The following PTPN4 variants were observed in gnomAD, a reference collection of about 807,000 sequenced individuals.
PTPN4 encodes the protein protein tyrosine phosphatase non-receptor type 4, also known as tyrosine-protein phosphatase non-receptor type 4.
Under a neutral mutation model 135.5 loss-of-function variants are expected in PTPN4, and 49 were observed. That is an observed-to-expected ratio of 0.36 (90% CI 0.29 to 0.46). The LOEUF (loss-of-function observed/expected upper bound fraction) is 0.46, where lower values mean the gene tolerates loss of function less well. PTPN4 is among the 20% of genes least tolerant of loss of function. The pLI is 1.00. For synonymous variants in PTPN4, 333 were observed against 369.9 expected (o/e 0.90, Z 1.14); for missense variants, 860 against 1,101.0 (o/e 0.78, Z 3.10).
At chr2:119,857,962 C>A (rs1677706291) in intron 2 of PTPN4, among the ~76,000 whole-genome samples, 1 of 152,194 alleles carries the variant, frequency 6.6e-6, no homozygotes, top group African/African-American at 2.4e-5. Context: ...TGGCTTGTGA[C>A]CAAGCCCTTG....
intron 1 of PTPN4, among the ~76,000 whole-genome samples, chr2:119,807,187 C>T (rs910928184): frequency 6.6e-6 from 1 of 152,052 alleles, no homozygotes; most frequent in Admixed American, 6.6e-5. Context: ...CAAGAGCAAA[C>T]ACATTCAAAA....
At position 119,836,636 on chromosome 2, in the gene PTPN4, C is replaced by T. The variant is rs146424632; in HGVS notation, c.139-25900C>T. Among the ~76,000 whole-genome samples, 576 of 152,324 alleles carry T rather than the reference C, an allele frequency of 3.8e-3. 3 individuals carry two copies. The highest frequency in any genetic ancestry group is 0.013 in the African/African-American group (527 of 41,574). The stretch of plus-strand genomic sequence containing the variant: ...GGGGGCAACTGCAGCTGCCCAGCCA[C>T]GGCTGCAGACCTGGGCATCCCTGTG... On this transcript the variant is annotated intron_variant, in intron 2 of 26. Coordinates refer to ENST00000263708, the MANE Select transcript of PTPN4 (RefSeq NM_002830.4).
chr2:119,848,915 T>G (rs1677549114), intron 2 of PTPN4, among the ~76,000 whole-genome samples: 1 of 152,182 alleles, frequency 6.6e-6, no homozygotes, highest in African/African-American at 2.4e-5. Context: ...TTCTTTTTTC[T>G]CTGTATTATT....
At chr2:119,874,339 G>T (rs1375858849) in intron 3 of PTPN4, among the ~76,000 whole-genome samples, 4 of 152,136 alleles carry the variant, frequency 2.6e-5, no homozygotes, top group Non-Finnish European at 5.9e-5. Flanking sequence ...GTACCCAAGA[G>T]AATTGAAGAC....
In PTPN4 at chr2:119,983,191, C is replaced by T. The variant is rs766100671; in HGVS notation, c.*6121C>T. On this transcript the variant is annotated 3_prime_UTR_variant, in exon 27 of 27. Transcript: ENST00000263708. ...AGGCTCTCTCAACCCTGGGAGTTTCCAAAATTTAGCAAATATTACTTGTGA... is the reference window on the plus strand; with the variant it reads ...AGGCTCTCTCAACCCTGGGAGTTTCTAAAATTTAGCAAATATTACTTGTGA... 1.3e-5 allele frequency: 2 copies of T among 152,088 alleles called. No individual in the cohort carries two copies. Among genetic ancestry groups the T allele is most frequent in the Non-Finnish European group, 2.9e-5 (2 of 68,030 alleles). 9.4% of individuals were successfully genotyped at this position (152,088 alleles called of 1,614,324 possible). A position where few individuals can be genotyped will look rare whatever the true frequency, so the allele number is the denominator to read the frequency against.
At chr2:119,838,125 A>C (rs1677323733) in intron 2 of PTPN4, among the ~76,000 whole-genome samples, 1 of 152,120 alleles carries the variant, frequency 6.6e-6, no homozygotes, top group Admixed American at 6.5e-5. Context: ...AAATGTGAAC[A>C]CTTTTTTTTA....
chr2:119,761,741 C>A (rs1369833682), intron 1 of PTPN4, among the ~76,000 whole-genome samples: 1 of 152,120 alleles, frequency 6.6e-6, no homozygotes, highest in Non-Finnish European at 1.5e-5. Flanking sequence ...CTATTTTGTA[C>A]ATGGGAATGT....
chr2:119,951,466 A>C (rs538012198), intron 18 of PTPN4, among the ~76,000 whole-genome samples: 1 of 152,344 alleles, frequency 6.6e-6, no homozygotes, highest in African/African-American at 2.4e-5. Context: ...TCCTGTCTGC[A>C]CTTGAACTGA....
intron 26 of PTPN4, among the ~76,000 whole-genome samples, chr2:119,974,195 TTTG>T (rs1679580097): frequency 1.3e-5 from 2 of 152,222 alleles, no homozygotes; most frequent in South Asian, 2.1e-4. Context: ...CATTGTAGTT[TTTG>T]TTGTTGTTTT....
In PTPN4 at chr2:119,949,870, T is replaced by TAC. The variant is rs139007582; in HGVS notation, c.1657-2085_1657-2084dup. Among the ~76,000 whole-genome samples, 638 of 148,836 alleles carry TAC rather than the reference T, an allele frequency of 4.3e-3. 2 individuals carry two copies. The highest frequency in any genetic ancestry group is 0.024 in the East Asian group (119 of 5,062). On this transcript the variant is annotated intron_variant, in intron 18 of 26. Coordinates refer to ENST00000263708, the MANE Select transcript of PTPN4 (RefSeq NM_002830.4). ...ATATATAGCAAGACCCTGTCTGAAA[T>TAC]ACACACACACACACACACAGAGCAA...
In PTPN4 at chr2:119,966,338, A is replaced by G. The variant is rs368992301; in HGVS notation, c.2558+693A>G. 8.0e-4 allele frequency among the ~76,000 whole-genome samples: 122 copies of G among 152,186 alleles called. No individual in the cohort carries two copies. The South Asian group carries it at 0.014, about 17-fold the overall frequency. ...CAATGGCATGATCACAGCTCACTGT[A>G]ACCTCTGCCTCCCAGGCTCAAGTGA... On this transcript the variant is annotated intron_variant, in intron 25 of 26. Transcript: ENST00000263708.
chr2:119,822,978 T>G (rs1194950292), intron 2 of PTPN4, among the ~76,000 whole-genome samples: 5 of 152,234 alleles, frequency 3.3e-5, no homozygotes, highest in African/African-American at 1.2e-4. Context: ...ATTTCTATTT[T>G]ACATGTGTTT....
intron 2 of PTPN4, among the ~76,000 whole-genome samples, chr2:119,824,441 A>G (rs1480025012): frequency 1.3e-5 from 2 of 152,200 alleles, no homozygotes; most frequent in Admixed American, 6.5e-5. Flanking sequence ...TCAGGCTCCC[A>G]GGTAGCAGGG....
At chr2:119,874,869 G>A (rs1677962829) in intron 3 of PTPN4, among the ~76,000 whole-genome samples, 1 of 152,080 alleles carries the variant, frequency 6.6e-6, no homozygotes, top group Admixed American at 6.5e-5. Context: ...CCATTGAGAT[G>A]GTACAATTTA....
At chr2:119,807,254 G>A (rs531597515) in intron 1 of PTPN4, among the ~76,000 whole-genome samples, 10 of 151,770 alleles carry the variant, frequency 6.6e-5, no homozygotes, top group South Asian at 4.2e-4. Flanking sequence ...AGATAGAGAC[G>A]CAAAAAACCC....
At chr2:119,774,793 G>A (rs1037769220) in intron 1 of PTPN4, among the ~76,000 whole-genome samples, 16 of 152,108 alleles carry the variant, frequency 1.1e-4, no homozygotes, top group African/African-American at 3.1e-4. Context: ...TTGGGAGGCC[G>A]AGGCGGGCAG....
At chr2:119,935,289 C>A (rs1023015822) in intron 15 of PTPN4, among the ~76,000 whole-genome samples, 7 of 151,848 alleles carry the variant, frequency 4.6e-5, no homozygotes, top group Non-Finnish European at 7.4e-5. Flanking sequence ...AGGAAAAGAA[C>A]CATAAGTATG....
intron 26 of PTPN4, among the ~76,000 whole-genome samples, chr2:119,973,392 G>A (rs1333632655): frequency 6.6e-6 from 1 of 152,026 alleles, no homozygotes; most frequent in Admixed American, 6.6e-5. Context: ...TTATCTATCA[G>A]TGGACAGGGT....
At chr2:119,805,875 A>T (rs1002467457) in intron 1 of PTPN4, among the ~76,000 whole-genome samples, 1 of 152,126 alleles carries the variant, frequency 6.6e-6, no homozygotes, top group South Asian at 2.1e-4. Flanking sequence ...CTTGGGCAGT[A>T]TGGCCATTTT....
Sources: allele counts gnomAD v4.1 joint callset (sites outside exome capture counted in the v4.1 genomes callset), GRCh38; gene constraint gnomAD v4.1.1; transcripts MANE v1.5; gene names NCBI Gene and HGNC (gene_info 2026-07-23, HGNC 2026-07-21).